The following ASAP1 variants were observed in gnomAD, a reference collection of about 807,000 sequenced individuals.
The protein encoded by ASAP1 is arf-GAP with SH3 domain, ANK repeat and PH domain-containing protein 1.
Under a neutral mutation model 145.2 loss-of-function variants are expected in ASAP1, and 43 were observed. That is an observed-to-expected ratio of 0.30 (90% confidence interval 0.23 to 0.38). ASAP1 has a LOEUF of 0.38. Ranked by LOEUF, ASAP1 falls within the 10% of genes least tolerant of loss-of-function variation. ASAP1 has a pLI of 1.00. For missense variants in ASAP1, 1,018 were observed against 1,355.3 expected (o/e 0.75, Z 3.91); for synonymous variants, 546 against 515.5 (o/e 1.06, Z -0.80).
At chr8:130,353,803 A>G (rs1045209883) in intron 3 of ASAP1, among the ~76,000 whole-genome samples, 3 of 152,176 alleles carry the variant, frequency 2.0e-5, no homozygotes, top group Admixed American at 6.5e-5. Context: ...CCTGGGAGGC[A>G]GAGGTTGCAG....
chr8:130,317,449 A>T (rs1823733302), intron 3 of ASAP1, among the ~76,000 whole-genome samples: 1 of 152,208 alleles, frequency 6.6e-6, no homozygotes, highest in South Asian at 2.1e-4. Context: ...CTTAGCTGCT[A>T]ATGAGTTTCT....
chr8:130,055,751 GA>G (rs915284113), intron 29 of ASAP1, among the ~76,000 whole-genome samples: 1 of 152,168 alleles, frequency 6.6e-6, no homozygotes, highest in African/African-American at 2.4e-5. Context: ...GCCTTCAATA[GA>G]AAAAACAAAA....
intron 3 of ASAP1, among the ~76,000 whole-genome samples, chr8:130,357,728 T>C (rs1042604739): frequency 6.6e-6 from 1 of 152,188 alleles, no homozygotes; most frequent in Non-Finnish European, 1.5e-5. Flanking sequence ...CGCCGAACAG[T>C]GCATGCCAGG....
intron 24 of ASAP1, among the ~76,000 whole-genome samples, chr8:130,100,848 C>G (rs1409070820): frequency 6.6e-6 from 1 of 152,156 alleles, no homozygotes; most frequent in Non-Finnish European, 1.5e-5. Flanking sequence ...TTGATATCGT[C>G]TGCTTTGTCT....
At chr8:130,089,510 T>C (rs1281350921) in intron 25 of ASAP1, among the ~76,000 whole-genome samples, 1 of 152,146 alleles carries the variant, frequency 6.6e-6, no homozygotes, top group East Asian at 1.9e-4. Flanking sequence ...GAAAGGTGCG[T>C]CCACAGACGA....
chr8:130,347,265 A>G (rs1825752705), intron 3 of ASAP1, among the ~76,000 whole-genome samples: 1 of 152,230 alleles, frequency 6.6e-6, no homozygotes, highest in Non-Finnish European at 1.5e-5. Flanking sequence ...TGACCACATC[A>G]GCAAAGCTAA....
At chr8:130,134,445 GAA>G (rs1197085532) in intron 14 of ASAP1, 101 bp from the exon 15 acceptor site, 1 of 642,272 alleles carries the variant, frequency 1.6e-6, no homozygotes, top group African/African-American at 1.9e-5. Context: ...AGTAAAAGTA[GAA>G]TTTTAATATT....
chr8:130,121,037 G>T (rs953693937), intron 18 of ASAP1, among the ~76,000 whole-genome samples: 3 of 152,126 alleles, frequency 2.0e-5, no homozygotes, highest in African/African-American at 7.2e-5. Context: ...AAAACCTTGG[G>T]TGTCATCTTG....
intron 1 of ASAP1, among the ~76,000 whole-genome samples, chr8:130,403,342 A>G (rs1019272108): frequency 2.0e-5 from 3 of 151,950 alleles, no homozygotes; most frequent in Non-Finnish European, 4.4e-5. Flanking sequence ...TTAACAATTG[A>G]GTGATATGAA....
chr8:130,191,026 G>A (rs1565071535), intron 5 of ASAP1, among the ~76,000 whole-genome samples: 1 of 149,684 alleles, frequency 6.7e-6, no homozygotes, highest in Non-Finnish European at 1.5e-5. Flanking sequence ...TATTTAGGAA[G>A]TGCAATCTAT....
chr8:130,217,093 A>T (rs1432909799), intron 4 of ASAP1, among the ~76,000 whole-genome samples: 1 of 152,244 alleles, frequency 6.6e-6, no homozygotes, highest in Non-Finnish European at 1.5e-5. Flanking sequence ...AAGGCAGGAA[A>T]TATGGCATGC....
chr8:130,181,048 G>T (rs1814324103), intron 7 of ASAP1, among the ~76,000 whole-genome samples, 168 bp from the exon 8 acceptor site: 1 of 151,572 alleles, frequency 6.6e-6, no homozygotes, highest in Admixed American at 6.6e-5. Context: ...TAACGGGGGA[G>T]GCTGTGCATG....
intron 3 of ASAP1, among the ~76,000 whole-genome samples, chr8:130,259,995 T>C (rs903323629): frequency 6.6e-6 from 1 of 152,136 alleles, no homozygotes; most frequent in African/African-American, 2.4e-5. Context: ...TTAGGGAAAA[T>C]GGATAAAGAA....
intron 24 of ASAP1, among the ~76,000 whole-genome samples, chr8:130,097,126 CAAAAAAAAAAAAAAAAAAAA>C (rs61591724): frequency 0.29 from 15,925 of 55,090 alleles, 1,578 homozygotes; most frequent in South Asian, 0.32. Context: ...AGTTAGTCTC[CAAAAAAAAAAAAAAAAAAAA>C]AAAAAAAAAA....
chr8:130,215,909 A>T (rs906167385), intron 4 of ASAP1, among the ~76,000 whole-genome samples: 2 of 151,268 alleles, frequency 1.3e-5, no homozygotes, highest in Non-Finnish European at 2.9e-5. Flanking sequence ...GGGTGATAGA[A>T]TGAGACCCTA....
chr8:130,061,112 G>A (rs1471202847), intron 27 of ASAP1, 43 bp from the exon 28 acceptor site: 1 of 1,517,014 alleles, frequency 6.6e-7, no homozygotes, highest in East Asian at 2.3e-5. Context: ...GGTGGGAAGG[G>A]CTGCTTTCCT....
chr8:130,216,240 A>G (rs1586613130), intron 4 of ASAP1, among the ~76,000 whole-genome samples: 1 of 152,332 alleles, frequency 6.6e-6, no homozygotes, highest in Admixed American at 6.5e-5. Flanking sequence ...TCTGAGGAAT[A>G]GTATTTGTAA....
chr8:130,070,529 C>G (rs889809957), intron 27 of ASAP1, among the ~76,000 whole-genome samples: 1 of 152,050 alleles, frequency 6.6e-6, no homozygotes, highest in South Asian at 2.1e-4. Flanking sequence ...CACTTGATAA[C>G]CCCCTGTGGA....
intron 3 of ASAP1, among the ~76,000 whole-genome samples, chr8:130,331,670 G>A (rs1207734249): frequency 6.6e-6 from 1 of 152,164 alleles, no homozygotes; most frequent in African/African-American, 2.4e-5. Context: ...GTTTAGCACA[G>A]TACTGTTACC....
Sources: gnomAD v4.1 joint callset for allele counts (sites outside exome capture counted in the v4.1 genomes callset) on GRCh38, gnomAD v4.1.1 for gene constraint, MANE v1.5 for transcripts, NCBI Gene and HGNC (gene_info 2026-07-23, HGNC 2026-07-21) for gene names.